Variants in B3GALT1 observed in about 807,000 individuals in gnomAD.
The protein encoded by B3GALT1 is UDP-Gal:betaGlcNAc beta 1,3-galactosyltransferase, polypeptide 1.
A neutral mutation model predicts 23.2 loss-of-function variants in B3GALT1; 10 were observed. That is an observed-to-expected ratio of 0.43 (90% CI 0.27 to 0.73). B3GALT1 has a LOEUF of 0.73. Among genes scored for constraint, B3GALT1 ranks in the 30% least tolerant of loss-of-function variants. B3GALT1 has a pLI of 0.21. For synonymous variants in B3GALT1, 156 were observed against 141.5 expected (o/e 1.10, Z -0.73); for missense variants, 299 against 405.4 (o/e 0.74, Z 2.25).
chr2:167,328,056 C>G (rs1336103945), intron 1 of B3GALT1, among the ~76,000 whole-genome samples: 1 of 152,164 alleles, frequency 6.6e-6, no homozygotes, highest in East Asian at 1.9e-4. Flanking sequence ...ATTCTTGCCT[C>G]CCTGGTATAA....
chr2:167,800,390 G>A (rs1003754034), intron 3 of B3GALT1, among the ~76,000 whole-genome samples: 1 of 152,086 alleles, frequency 6.6e-6, no homozygotes. Flanking sequence ...AAATGTTTAG[G>A]GAGGAAAAAC....
At chr2:167,475,812 G>A (rs773606182) in intron 1 of B3GALT1, among the ~76,000 whole-genome samples, 12 of 152,080 alleles carry the variant, frequency 7.9e-5, no homozygotes, top group Non-Finnish European at 1.2e-4. Context: ...GTAAAGGCAG[G>A]GTGGGTTCCT....
At chr2:167,563,892 C>T (rs1484311322) in intron 2 of B3GALT1, among the ~76,000 whole-genome samples, 588 of 4,264 alleles carry the variant, frequency 0.14, 1 homozygote, top group African/African-American at 0.25. Context: ...ACGGGGCGGC[C>T]GGCCGGGCGG....
chr2:167,584,738 C>T (rs1014056401), intron 2 of B3GALT1, among the ~76,000 whole-genome samples: 5 of 152,166 alleles, frequency 3.3e-5, no homozygotes, highest in African/African-American at 1.2e-4. Flanking sequence ...CTCAGGAAAA[C>T]ACTTTTCTAC....
At chr2:167,611,039 A>C (rs1344351963) in intron 2 of B3GALT1, among the ~76,000 whole-genome samples, 6 of 151,828 alleles carry the variant, frequency 4.0e-5, no homozygotes. Flanking sequence ...AGGATGAAAA[A>C]CTACCTATTA....
chr2:167,666,834 T>C (rs982771883), intron 3 of B3GALT1, among the ~76,000 whole-genome samples: 5 of 152,152 alleles, frequency 3.3e-5, no homozygotes, highest in Non-Finnish European at 5.9e-5. Context: ...TATTTTGAGC[T>C]TATGTGTGTC....
intron 3 of B3GALT1, among the ~76,000 whole-genome samples, chr2:167,654,431 A>T (rs189868506): frequency 1.1e-4 from 16 of 152,214 alleles, no homozygotes; most frequent in Non-Finnish European, 1.8e-4. Context: ...GGAGCTAAAA[A>T]ATAACTCTGA....
rs186125045 is a variant in B3GALT1 at position 167,409,869 on chromosome 2, C to T, written c.-510-80308C>T. Among the ~76,000 whole-genome samples the T allele has an allele frequency of 8.8e-3, 1,342 of 151,918 alleles. 21 individuals carry two copies. The highest frequency in any genetic ancestry group is 0.031 in the African/African-American group (1,270 of 41,436). On this transcript the variant is annotated intron_variant, in intron 1 of 4. Coordinates refer to ENST00000392690, the MANE Select transcript of B3GALT1 (RefSeq NM_020981.4). ...TCAACCATTGTGGAAGACAGTGTGG[C>T]GATTTCTCAAGGATCTAGAACCAGA...
chr2:167,810,404 AT>A (rs59482517), intron 3 of B3GALT1, among the ~76,000 whole-genome samples: 5,149 of 150,854 alleles, frequency 0.034, 275 homozygotes, highest in South Asian at 0.069. Flanking sequence ...AGCTGTTCCT[AT>A]TCGGCCATCT....
chr2:167,338,622 A>G (rs1697098038), intron 1 of B3GALT1, among the ~76,000 whole-genome samples: 1 of 152,146 alleles, frequency 6.6e-6, no homozygotes, highest in South Asian at 2.1e-4. Flanking sequence ...GATAATAACT[A>G]TAGTTGGATT....
chr2:167,755,878 G>A (rs979131897), intron 3 of B3GALT1, among the ~76,000 whole-genome samples: 8 of 152,064 alleles, frequency 5.3e-5, no homozygotes, highest in African/African-American at 1.7e-4. Context: ...AGGAGGCTGA[G>A]GCAGGAATAT....
At chr2:167,534,162 T>G (rs1683377379) in intron 2 of B3GALT1, among the ~76,000 whole-genome samples, 1 of 152,194 alleles carries the variant, frequency 6.6e-6, no homozygotes, top group Non-Finnish European at 1.5e-5. Context: ...TACTTACCTT[T>G]CATCATTTTT....
intron 3 of B3GALT1, among the ~76,000 whole-genome samples, 173 bp downstream of exon 3, chr2:167,647,139 T>C (rs1685760826): frequency 6.6e-6 from 1 of 152,186 alleles, no homozygotes; most frequent in African/African-American, 2.4e-5. Flanking sequence ...GTATATTTAA[T>C]GTACATCTCA....
chr2:167,315,507 G>C (rs1696702327), intron 1 of B3GALT1, among the ~76,000 whole-genome samples: 1 of 152,126 alleles, frequency 6.6e-6, no homozygotes, highest in Non-Finnish European at 1.5e-5. Flanking sequence ...GCTTTTCAGG[G>C]CTGGCAGGGA....
chr2:167,703,521 G>C (rs1686914217), intron 3 of B3GALT1, among the ~76,000 whole-genome samples: 2 of 152,188 alleles, frequency 1.3e-5, no homozygotes, highest in South Asian at 4.1e-4. Flanking sequence ...AAACAGGAAT[G>C]GTTGAGCATT....
chr2:167,648,610 T>C (rs1166600491), intron 3 of B3GALT1, among the ~76,000 whole-genome samples: 1 of 152,142 alleles, frequency 6.6e-6, no homozygotes, highest in Non-Finnish European at 1.5e-5. Flanking sequence ...CACCAAATTA[T>C]TTTCTACTTC....
intron 3 of B3GALT1, among the ~76,000 whole-genome samples, chr2:167,752,882 A>G (rs1488408515): frequency 1.3e-5 from 2 of 152,164 alleles, no homozygotes; most frequent in African/African-American, 4.8e-5. Context: ...CTGTCTCCTG[A>G]GTGAGCCAGG....
chr2:167,629,785 A>G (rs1007452237), intron 2 of B3GALT1, among the ~76,000 whole-genome samples: 1 of 151,872 alleles, frequency 6.6e-6, no homozygotes, highest in African/African-American at 2.4e-5. Context: ...CACTTTGTAA[A>G]CACTGCTTTA....
chr2:167,465,480 A>T (rs2105327845), intron 1 of B3GALT1, among the ~76,000 whole-genome samples: 1 of 152,272 alleles, frequency 6.6e-6, no homozygotes, highest in Admixed American at 6.5e-5. Flanking sequence ...TGCTTCAAAG[A>T]TGGTGCTTTG....
Sources: gnomAD v4.1 joint callset for allele counts (sites outside exome capture counted in the v4.1 genomes callset) on GRCh38, gnomAD v4.1.1 for gene constraint, MANE v1.5 for transcripts, NCBI Gene and HGNC (gene_info 2026-07-23, HGNC 2026-07-21) for gene names.